Variants in WWOX observed in about 807,000 individuals in gnomAD.
WWOX encodes the protein WW domain containing oxidoreductase, also known as WW domain-containing oxidoreductase.
WWOX carries 69 observed loss-of-function variants against 46.2 expected under a neutral mutation model. The observed-to-expected ratio is 1.49, with a 90% CI of 1.23 to 1.82. The LOEUF is 1.82. Ranked by LOEUF, WWOX falls within the 40% of genes most tolerant of loss-of-function variation. The probability of loss-of-function intolerance (pLI) is 0.00; values close to 1 mark genes in which losing one functional copy is unlikely to be tolerated. For synonymous variants in WWOX, 359 were observed against 202.6 expected, an observed-to-expected ratio of 1.77 and a Z score of -6.56; for missense variants, 919 against 542.6, an observed-to-expected ratio of 1.69 and a Z score of -6.89.
intron 1 of WWOX, among the ~76,000 whole-genome samples, chr16:78,101,669 T>G (rs373971102): frequency 9.2e-5 from 14 of 151,974 alleles, no homozygotes; most frequent in Non-Finnish European, 1.8e-4. Flanking sequence ...CCTTGGTAGG[T>G]TGTAAAATCT....
chr16:78,198,494 GAAT>G (rs2151772084), intron 5 of WWOX, among the ~76,000 whole-genome samples: 1 of 152,330 alleles, frequency 6.6e-6, no homozygotes, highest in East Asian at 1.9e-4. Context: ...TACTGATGGA[GAAT>G]GGGCTCTATG....
At chr16:78,927,904 A>G (rs1044879010) in intron 8 of WWOX, among the ~76,000 whole-genome samples, 1 of 152,162 alleles carries the variant, frequency 6.6e-6, no homozygotes, top group Non-Finnish European at 1.5e-5. Context: ...ACACTTACAT[A>G]TTCCTAGCCA....
chr16:78,868,814 G>A (rs1228188047), intron 8 of WWOX, among the ~76,000 whole-genome samples: 2 of 152,126 alleles, frequency 1.3e-5, no homozygotes, highest in Non-Finnish European at 2.9e-5. Context: ...TGGCAGGAGA[G>A]GAAAGACCTG....
Position 79,145,711 on chromosome 16 carries a change from T to C in WWOX, c.1057-65897T>C, listed in dbSNP as rs1053297090. Among the ~76,000 whole-genome samples the C allele has an allele frequency of 3.9e-5, 6 of 152,192 alleles. No homozygotes were observed. In the South Asian group the frequency reaches 1.2e-3, roughly 31 times the overall value. On this transcript the variant is annotated intron_variant, in intron 8 of 8. Coordinates refer to ENST00000566780, the MANE Select transcript of WWOX (RefSeq NM_016373.4). ...AATTATAATCCTAGAGAAGCTAAAA[T>C]ATTCAGTAAAAATTACTAGCAATGA... is the stretch of plus-strand genomic sequence containing the variant.
intron 8 of WWOX, among the ~76,000 whole-genome samples, chr16:78,717,168 G>C (rs1037629040): frequency 6.6e-6 from 1 of 152,102 alleles, no homozygotes; most frequent in Non-Finnish European, 1.5e-5. Context: ...TGTCTCCCCA[G>C]GCTTAGTGGT....
rs550597431 is a variant in WWOX at position 78,406,261 on chromosome 16, G to T, written c.606-18609G>T. ...CTATTTGTGAAATTGATTTTGTGAG[G>T]ATGATGATATAATTTCCATTACATT... is the stretch of plus-strand genomic sequence containing the variant. On this transcript the variant is annotated intron_variant, in intron 6 of 8. Transcript: ENST00000566780. 1.0e-3 allele frequency among the ~76,000 whole-genome samples: 128 copies of T among 127,680 alleles called. 1 individual carries two copies. The highest frequency in any genetic ancestry group is 3.2e-3 in the African/African-American group (118 of 37,300). 83.8% of individuals were successfully genotyped at this position (127,680 alleles called of 152,430 possible).
At chr16:78,325,249 AAT>A (rs1164886507) in intron 5 of WWOX, among the ~76,000 whole-genome samples, 2 of 152,206 alleles carry the variant, frequency 1.3e-5, no homozygotes, top group Admixed American at 1.3e-4. Context: ...TCTAATTTTA[AAT>A]ATGTTGCCTC....
intron 8 of WWOX, among the ~76,000 whole-genome samples, chr16:78,460,286 C>G (rs190242131): frequency 6.6e-6 from 1 of 152,144 alleles, no homozygotes. Flanking sequence ...CACCACCACA[C>G]CCAGCTAGTT....
intron 8 of WWOX, chr16:79,110,786 C>T (rs544353583): frequency 3.9e-5 from 6 of 152,274 alleles, no homozygotes; most frequent in African/African-American, 1.2e-4. Flanking sequence ...CTGCCAGTAC[C>T]CAGTTTGAAT....
In WWOX at chr16:78,108,438, G is replaced by T. The variant is rs766327203; in HGVS notation, c.123G>T (p.Lys41Asn). ...TTTTTAACAGTCACACCGAGGAGAA[G>T]ACTCAGTGGGAACATCCAAAAACTG... is the stretch of plus-strand genomic sequence containing the variant. ...WVYYANHTEE[K>N]TQWEHPKTGK... The change falls in exon 2 of 9, where the codon AAG (lysine) becomes AAT (asparagine). Residue 41 changes from lysine to asparagine, a missense_variant. By Grantham distance (94) the Lys-to-Asn change is moderately conservative. Transcript: ENST00000566780. 2 of 1,613,420 alleles carry T rather than the reference G, an allele frequency of 1.2e-6. No homozygotes were observed. Among genetic ancestry groups the T allele is most frequent in the South Asian group, 2.2e-5 (2 of 91,040 alleles).
At chr16:78,943,921 T>C (rs1156318131) in intron 8 of WWOX, among the ~76,000 whole-genome samples, 5 of 152,200 alleles carry the variant, frequency 3.3e-5, no homozygotes, top group Admixed American at 2.6e-4. Context: ...TCATTCCTGC[T>C]ACCCAAGGCC....
intron 8 of WWOX, among the ~76,000 whole-genome samples, chr16:78,556,424 C>T (rs142303499): frequency 4.6e-5 from 7 of 152,198 alleles, no homozygotes; most frequent in East Asian, 3.9e-4. Context: ...TCTCAGAGCA[C>T]GGGGAACGGT....
chr16:78,308,408 C>T (rs1010282683), intron 5 of WWOX, among the ~76,000 whole-genome samples: 1 of 152,098 alleles, frequency 6.6e-6, no homozygotes, highest in Non-Finnish European at 1.5e-5. Flanking sequence ...GGAATTCAGT[C>T]ACAACTGAAC....
chr16:78,541,858 C>G (rs1291238007), intron 8 of WWOX, among the ~76,000 whole-genome samples: 1 of 151,850 alleles, frequency 6.6e-6, no homozygotes, highest in Admixed American at 6.6e-5. Context: ...TTTTTGTCTC[C>G]TGTTGTGAAC....
intron 8 of WWOX, among the ~76,000 whole-genome samples, chr16:78,989,821 CGTGTGTGT>C (rs71384389): frequency 7.3e-6 from 1 of 136,506 alleles, no homozygotes; most frequent in South Asian, 2.5e-4. Context: ...GGTGTGTGAG[CGTGTGTGT>C]GTGTGTGTGT....
chr16:78,246,869 C>G (rs1466536067), intron 5 of WWOX, among the ~76,000 whole-genome samples: 1 of 151,914 alleles, frequency 6.6e-6, no homozygotes, highest in Non-Finnish European at 1.5e-5. Context: ...CTGTCCCTGA[C>G]TCCCGAGAGA....
intron 8 of WWOX, chr16:78,895,609 A>G (rs999495198): frequency 1.3e-5 from 2 of 152,236 alleles, no homozygotes; most frequent in Admixed American, 6.5e-5. Context: ...ATGCCATGGA[A>G]ACCCTGAGCA....
chr16:78,727,355 A>G (rs1301245784), intron 8 of WWOX, among the ~76,000 whole-genome samples: 2 of 152,172 alleles, frequency 1.3e-5, no homozygotes, highest in Non-Finnish European at 2.9e-5. Flanking sequence ...GCTGAGATCC[A>G]GCCTGGGTGA....
intron 8 of WWOX, among the ~76,000 whole-genome samples, chr16:78,577,962 C>T (rs150262354): frequency 1.0e-3 from 153 of 152,128 alleles, no homozygotes; most frequent in African/African-American, 3.6e-3. Context: ...AACCAAGACT[C>T]ACTAATATTT....
Sources: allele counts gnomAD v4.1 joint callset (sites outside exome capture counted in the v4.1 genomes callset), GRCh38; gene constraint gnomAD v4.1.1; transcripts MANE v1.5; gene names NCBI Gene and HGNC (gene_info 2026-07-23, HGNC 2026-07-21).